The following IGHMBP2 variants were observed in gnomAD, a reference collection of about 807,000 sequenced individuals.
IGHMBP2 encodes immunoglobulin mu DNA binding protein 2.
In IGHMBP2, 81 loss-of-function variants were observed where a neutral mutation model predicts 96.0. The observed-to-expected ratio is 0.84, with a 90% confidence interval of 0.71 to 1.01. IGHMBP2 has a LOEUF of 1.01. Among genes scored for constraint, IGHMBP2 ranks in the 50% least tolerant of loss-of-function variants. IGHMBP2 has a pLI of 0.00. For synonymous variants in IGHMBP2, 557 were observed against 548.9 expected (o/e 1.01, Z -0.21); for missense variants, 1,227 against 1,306.3 (o/e 0.94, Z 0.94).
chr11:68,912,096 C>T (rs185893168), intron 5 of IGHMBP2, among the ~76,000 whole-genome samples: 11 of 152,304 alleles, frequency 7.2e-5, no homozygotes, highest in Admixed American at 3.9e-4. Context: ...TAACATTGTA[C>T]ATTATTATTC....
chr11:68,931,584 A>G (rs930538597), intron 8 of IGHMBP2, among the ~76,000 whole-genome samples: 2 of 152,114 alleles, frequency 1.3e-5, no homozygotes, highest in Non-Finnish European at 2.9e-5. Context: ...TCTGGGCTGC[A>G]GCGGCCACTC....
chr11:68,918,865 T>C (rs1858772641), intron 7 of IGHMBP2, among the ~76,000 whole-genome samples: 1 of 152,222 alleles, frequency 6.6e-6, no homozygotes, highest in South Asian at 2.1e-4. Context: ...TCTATTGTTT[T>C]TCTGTTTCAT....
At chr11:68,930,244 C>T in intron 8 of IGHMBP2, 2 of 1,271,008 alleles carry the variant, frequency 1.6e-6, no homozygotes, top group South Asian at 2.6e-5. Context: ...CTGGCCCTCA[C>T]TTCCACCGGG....
At position 68,940,169 on chromosome 11, in the gene IGHMBP2, GGA is replaced by G. The variant is rs1859701205; in HGVS notation, c.*440_*441del. 1 of 186,378 alleles carries G rather than the reference GGA, an allele frequency of 5.4e-6. No individual in the cohort carries two copies. The highest frequency in any genetic ancestry group is 1.1e-5 in the Non-Finnish European group (1 of 88,532). The allele number at this position is 186,378 out of a possible 1,614,324, so 11.5% of individuals were successfully genotyped here. On this transcript the variant is annotated 3_prime_UTR_variant, in exon 15 of 15. Transcript: ENST00000255078. ...AAGACTGCGAATGGCGCTCAGGCAG[GGA>G]GCAGGGAGTGGCGTTTGGCTTGCAC...
chr11:68,904,173 C>G (rs1858078830), intron 1 of IGHMBP2, 135 bp downstream of exon 1: 2 of 755,516 alleles, frequency 2.6e-6, no homozygotes, highest in East Asian at 5.4e-5. Flanking sequence ...CAGGGATCGT[C>G]CGTCCCCTGC....
intron 10 of IGHMBP2, chr11:68,934,120 C>T: frequency 1.6e-6 from 1 of 624,568 alleles, no homozygotes. Context: ...ATGGGCCTGG[C>T]AGCATTTTAC....
At chr11:68,929,945 C>T (rs1478914208) in intron 8 of IGHMBP2, 1 of 1,091,614 alleles carries the variant, frequency 9.2e-7, no homozygotes, top group African/African-American at 1.7e-5. Context: ...CCCAGGCTGT[C>T]TTGGTGGAGA....
chr11:68,911,488 C>T lies in IGHMBP2; in HGVS notation c.596C>T (p.Ala199Val), dbSNP rs780802298. Reference sequence around the variant, plus strand: ...TGCCTGGACACCTCCCAGAAAGAAGCGGTTTTATTTGCGCTGTCTCAGAAA... The same window carrying T: ...TGCCTGGACACCTCCCAGAAAGAAGTGGTTTTATTTGCGCTGTCTCAGAAA... ...NTCLDTSQKE[A>V]VLFALSQKEL... is the part of the protein sequence containing the mutation. The change falls in exon 5 of 15, where the codon GCG (alanine) becomes GTG (valine). Residue 199 changes from alanine to valine, a missense_variant. Ala to Val is a moderately conservative substitution (Grantham distance 64, BLOSUM62 0). Coordinates refer to ENST00000255078, the MANE Select transcript of IGHMBP2 (RefSeq NM_002180.3). 1.9e-5 allele frequency: 30 copies of T among 1,613,974 alleles called. No individual in the cohort carries two copies. The highest frequency in any genetic ancestry group is 1.6e-4 in the Middle Eastern group (1 of 6,074).
chr11:68,924,070 T>C lies in IGHMBP2; in HGVS notation c.1061-5113T>C, dbSNP rs116160827. 4.7e-3 allele frequency among the ~76,000 whole-genome samples: 719 copies of C among 152,324 alleles called. 4 individuals carry two copies. Among genetic ancestry groups the C allele is most frequent in the African/African-American group, 0.017 (687 of 41,582 alleles). On this transcript the variant is annotated intron_variant, in intron 7 of 14. Coordinates refer to ENST00000255078, the MANE Select transcript of IGHMBP2 (RefSeq NM_002180.3). ...TTGTCTCTCGTTATTCAGGGGTTACTTTTCTTTGTTACCTGTTGTCTAGTG... is the reference window on the plus strand; with the variant it reads ...TTGTCTCTCGTTATTCAGGGGTTACCTTTCTTTGTTACCTGTTGTCTAGTG...
At position 68,933,877 on chromosome 11, in the gene IGHMBP2, C is replaced by G; in HGVS notation, c.1501C>G (p.Leu501Val). ...CACCGCCGGCTGCGGGCTGTTTGAG[C>G]TGGAGGAGGAGGACGAACAGTCGAA... ...VDTAGCGLFE[L>V]EEEDEQSKGN... The change falls in exon 10 of 15, where the codon CTG (leucine) becomes GTG (valine). Residue 501 changes from leucine to valine, a missense_variant. This residue lies in a region of IGHMBP2 where 703 missense variants were observed against 770.3 expected (regional missense o/e 0.91). Transcript: ENST00000255078. 1.2e-6 allele frequency: 2 copies of G among 1,603,520 alleles called. No homozygotes were observed. Among genetic ancestry groups the G allele is most frequent in the African/African-American group, 1.3e-5 (1 of 74,882 alleles).
Position 68,912,147 on chromosome 11 carries a change from C to T in IGHMBP2, c.711+544C>T, listed in dbSNP as rs968125119. Among the ~76,000 whole-genome samples the T allele has an allele frequency of 5.3e-5, 8 of 152,108 alleles. No individual in the cohort carries two copies. In the South Asian group the frequency reaches 8.3e-4, roughly 16 times the overall value. On this transcript the variant is annotated intron_variant, in intron 5 of 14. Transcript: ENST00000255078. ...TTTTTTTATTTTTATTTTTTGGAGACGGAGCCTCACTCTGTCACCCAGGCT... is the reference window on the plus strand; with the variant it reads ...TTTTTTTATTTTTATTTTTTGGAGATGGAGCCTCACTCTGTCACCCAGGCT...
chr11:68,908,424 C>A, intron 3 of IGHMBP2, 87 bp downstream of exon 3: 2 of 1,481,436 alleles, frequency 1.4e-6, no homozygotes, highest in Non-Finnish European at 1.9e-6. Flanking sequence ...CAAAAGAGAG[C>A]AACAAGTCAT....
chr11:68,910,923 G>A (rs1047599823), intron 4 of IGHMBP2, among the ~76,000 whole-genome samples: 10 of 151,524 alleles, frequency 6.6e-5, no homozygotes, highest in Non-Finnish European at 1.0e-4. Flanking sequence ...AGTCTTGGTC[G>A]TGGAAGATTC....
rs1465803265 is a variant in IGHMBP2 at position 68,936,287 on chromosome 11, C to T, written c.1807C>T (p.Arg603Cys). The part of the protein sequence containing the change: ...EDRRINVAVT[R>C]ARRHVAVICD... ...CCGGAGGATCAACGTGGCTGTCACC[C>T]GTGCCCGACGCCACGTGGCGGTCAT... The change falls in exon 13 of 15, where the codon CGT becomes TGT. Residue 603 changes from arginine (R) to cysteine (C), a missense_variant. Transcript: ENST00000255078. The T allele has an allele frequency of 5.0e-6, 8 of 1,614,046 alleles. No homozygotes were observed. The highest frequency in any genetic ancestry group is 2.2e-5 in the South Asian group (2 of 91,078).
intron 7 of IGHMBP2, among the ~76,000 whole-genome samples, chr11:68,918,370 A>AGT (rs1858751447): frequency 6.6e-6 from 1 of 151,470 alleles, no homozygotes; most frequent in Non-Finnish European, 1.5e-5. Flanking sequence ...TGCCAGGCGC[A>AGT]GTGGCTCACA....
intron 1 of IGHMBP2, 137 bp from the exon 2 acceptor site, chr11:68,905,932 A>G (rs1858172728): frequency 1.1e-6 from 1 of 896,942 alleles, no homozygotes; most frequent in African/African-American, 1.6e-5. Context: ...AGTGGAGCCA[A>G]TTCGGAGTTC....
chr11:68,928,722 G>A (rs1165680888), intron 7 of IGHMBP2, among the ~76,000 whole-genome samples: 2 of 152,086 alleles, frequency 1.3e-5, no homozygotes, highest in Non-Finnish European at 2.9e-5. Flanking sequence ...GCTGCTCCGC[G>A]TCCCAGGAAG....
chr11:68,918,992 C>A (rs1022286440), intron 7 of IGHMBP2, among the ~76,000 whole-genome samples: 6 of 152,148 alleles, frequency 3.9e-5, no homozygotes, highest in African/African-American at 1.2e-4. Context: ...CTGATACGAG[C>A]ATTTAGCTCC....
chr11:68,913,488 CT>C (rs1234747961), intron 5 of IGHMBP2, among the ~76,000 whole-genome samples: 7 of 149,582 alleles, frequency 4.7e-5, no homozygotes, highest in South Asian at 4.2e-4. Context: ...GCCACCTCCT[CT>C]TTTTTTTTTC....
Sources: allele counts gnomAD v4.1 joint callset (sites outside exome capture counted in the v4.1 genomes callset), GRCh38; gene constraint gnomAD v4.1.1; regional missense constraint gnomAD v4.1.1; transcripts MANE v1.5; gene names NCBI Gene and HGNC (gene_info 2026-07-23, HGNC 2026-07-21).